The following CSMD1 variants were observed in gnomAD, a reference collection of about 807,000 sequenced individuals.
CSMD1 encodes CUB and Sushi multiple domains 1.
A neutral mutation model predicts 417.5 loss-of-function variants in CSMD1; 213 were observed. The observed-to-expected ratio is 0.51, with a 90% CI of 0.46 to 0.57. The LOEUF is 0.57. CSMD1 is among the 20% of genes least tolerant of loss of function. The probability of loss-of-function intolerance (pLI) is 0.00; values close to 1 mark genes in which losing one functional copy is unlikely to be tolerated. For synonymous variants in CSMD1, 2,862 were observed against 1,736.8 expected (o/e 1.65, Z -16.11); for missense variants, 6,923 against 4,529.7 (o/e 1.53, Z -15.17).
At chr8:3,605,685 A>C (rs921495141) in intron 8 of CSMD1, among the ~76,000 whole-genome samples, 19 of 152,238 alleles carry the variant, frequency 1.2e-4, no homozygotes, top group African/African-American at 4.6e-4. Flanking sequence ...CCTCGAGATA[A>C]AAATATGCTA....
intron 4 of CSMD1, among the ~76,000 whole-genome samples, chr8:4,008,784 G>T (rs1816331897): frequency 6.6e-6 from 1 of 151,408 alleles, no homozygotes; most frequent in South Asian, 2.1e-4. Context: ...CTAATTTTTT[G>T]TGTTTTTGGT....
Position 4,299,279 on chromosome 8 carries a change from A to C in CSMD1, c.415+120674T>G, listed in dbSNP as rs909946700. Among the ~76,000 whole-genome samples the C allele has an allele frequency of 3.9e-5, 6 of 152,320 alleles. No homozygotes were observed. In the East Asian group the frequency reaches 9.6e-4, roughly 24 times the overall value. Reference sequence around the variant, plus strand: ...AATTTAAAACCGTCGGATAAGATAAAGTTTTTCTTCACCCCCATCACCCCC... The same window carrying C: ...AATTTAAAACCGTCGGATAAGATAACGTTTTTCTTCACCCCCATCACCCCC... On this transcript the variant is annotated intron_variant, in intron 3 of 69. Coordinates refer to ENST00000635120, the MANE Select transcript of CSMD1 (RefSeq NM_033225.6).
intron 2 of CSMD1, among the ~76,000 whole-genome samples, chr8:4,570,422 T>G (rs933474810): frequency 1.3e-5 from 2 of 152,210 alleles, no homozygotes; most frequent in African/African-American, 4.8e-5. Context: ...GTTCTGTTTA[T>G]GTGATGGATT....
At chr8:4,387,181 T>C (rs1433910328) in intron 3 of CSMD1, among the ~76,000 whole-genome samples, 2 of 152,216 alleles carry the variant, frequency 1.3e-5, no homozygotes, top group African/African-American at 4.8e-5. Flanking sequence ...TGCCATCTTG[T>C]GGCTAGGAGG....
chr8:3,688,890 C>T (rs192771755), intron 7 of CSMD1, among the ~76,000 whole-genome samples: 2 of 152,062 alleles, frequency 1.3e-5, no homozygotes, highest in African/African-American at 2.4e-5. Context: ...TCACTTAGAT[C>T]TCAGACAAAG....
Position 3,054,453 on chromosome 8 carries a change from A to AT in CSMD1, c.7475-1807_7475-1806insA, listed in dbSNP as rs530047885. Among the ~76,000 whole-genome samples the AT allele has an allele frequency of 1.3e-4, 20 of 152,216 alleles. No homozygotes were observed. The South Asian group carries it at 4.1e-3, about 32-fold the overall frequency. ...GGCAACATGGTGAAACCCTGTCTCT[A>AT]CCAAAAATACAAAAATTAGGCAGAT... On this transcript the variant is annotated intron_variant, in intron 49 of 69. Transcript: ENST00000635120.
At chr8:4,944,561 C>A (rs528332763) in intron 1 of CSMD1, among the ~76,000 whole-genome samples, 38 of 152,248 alleles carry the variant, frequency 2.5e-4, no homozygotes. Context: ...TACAGTCCAC[C>A]TGAAGAGACA....
chr8:4,205,131 C>G (rs554706776), intron 3 of CSMD1, among the ~76,000 whole-genome samples: 69 of 152,270 alleles, frequency 4.5e-4, no homozygotes, highest in Non-Finnish European at 7.2e-4. Context: ...ACATTTATCT[C>G]AACTCTGTTG....
chr8:3,922,743 C>G (rs1024096933), intron 5 of CSMD1, among the ~76,000 whole-genome samples: 3 of 151,834 alleles, frequency 2.0e-5, no homozygotes, highest in East Asian at 3.9e-4. Flanking sequence ...ATTTATTAAC[C>G]AATTATTGTA....
At chr8:4,651,726 C>T (rs1041538590) in intron 1 of CSMD1, among the ~76,000 whole-genome samples, 4 of 152,112 alleles carry the variant, frequency 2.6e-5, no homozygotes, top group South Asian at 2.1e-4. Context: ...CTAATTCACA[C>T]GTCTTTAGAT....
chr8:4,210,229 C>T (rs1408552368), intron 3 of CSMD1, among the ~76,000 whole-genome samples: 1 of 152,206 alleles, frequency 6.6e-6, no homozygotes, highest in Non-Finnish European at 1.5e-5. Flanking sequence ...CTGGGCATGA[C>T]TTTCTCACAG....
At position 3,875,532 on chromosome 8, in the gene CSMD1, T is replaced by G. The variant is rs140278119; in HGVS notation, c.819-121490A>C. 4.3e-3 allele frequency among the ~76,000 whole-genome samples: 660 copies of G among 152,078 alleles called. 3 individuals are homozygous for G. Among genetic ancestry groups the G allele is most frequent in the African/African-American group, 0.012 (490 of 41,490 alleles). On this transcript the variant is annotated intron_variant, in intron 5 of 69. Transcript: ENST00000635120. ...AGAAAAGGGGAGGAAGCAGCCGGCA[T>G]GGAAGAAGGAAAGCAGGAGAGGCTC...
chr8:4,373,835 G>A (rs1196502261), intron 3 of CSMD1, among the ~76,000 whole-genome samples: 2 of 152,122 alleles, frequency 1.3e-5, no homozygotes, highest in Admixed American at 6.5e-5. Context: ...ACTAGCCAAA[G>A]GAGCTTTTCT....
chr8:4,371,838 T>C (rs1802415576), intron 3 of CSMD1, among the ~76,000 whole-genome samples: 1 of 152,204 alleles, frequency 6.6e-6, no homozygotes, highest in African/African-American at 2.4e-5. Flanking sequence ...CAGGGTCAAG[T>C]AAACTGAATT....
rs1563399727 is a variant in CSMD1, at chr8:3,448,320, G to GGAGC, written c.1561+20391_1561+20392insGCTC. Among the ~76,000 whole-genome samples, 15 of 57,898 alleles carry GGAGC rather than the reference G, an allele frequency of 2.6e-4. 1 individual carries two copies. The highest frequency in any genetic ancestry group is 8.2e-4 in the African/African-American group (12 of 14,712). 38.0% of individuals were successfully genotyped at this position (57,898 alleles called of 152,430 possible). ...AACTGGTGGGAAGGAAGGAAGGAAG[G>GGAGC]AAGGGAGCAAGGGAGGGAGGGAGGG... is the stretch of plus-strand genomic sequence containing the variant. On this transcript the variant is annotated intron_variant, in intron 12 of 69. Coordinates refer to ENST00000635120, the MANE Select transcript of CSMD1 (RefSeq NM_033225.6).
rs1291953230 is a variant in CSMD1, at chr8:3,412,037, C to CGT, written c.1562-2433_1562-2432insAC. On this transcript the variant is annotated intron_variant, in intron 12 of 69. Coordinates refer to ENST00000635120, the MANE Select transcript of CSMD1 (RefSeq NM_033225.6). ...ATACATATACACACGTATATATACA[C>CGT]ATATATACACGTATATATACACACG... is the stretch of plus-strand genomic sequence containing the variant. Among the ~76,000 whole-genome samples the CGT allele has an allele frequency of 6.3e-4, 25 of 39,554 alleles. 4 individuals carry two copies. The highest frequency in any genetic ancestry group is 7.4e-4 in the Non-Finnish European group (15 of 20,254). The allele number at this position is 39,554 out of a possible 152,430, so 25.9% of individuals were successfully genotyped here. A position where few individuals can be genotyped will look rare whatever the true frequency, so the allele number is the denominator to read the frequency against.
intron 1 of CSMD1, among the ~76,000 whole-genome samples, chr8:4,732,208 A>T (rs2116961666): frequency 6.6e-6 from 1 of 152,296 alleles, no homozygotes; most frequent in Admixed American, 6.5e-5. Context: ...ACTCAGATGT[A>T]TCAGACCCCA....
At chr8:4,063,659 G>C (rs1052935530) in intron 3 of CSMD1, among the ~76,000 whole-genome samples, 1 of 152,182 alleles carries the variant, frequency 6.6e-6, no homozygotes, top group African/African-American at 2.4e-5. Flanking sequence ...GCCTCCCTGA[G>C]GGGCATTCTA....
intron 7 of CSMD1, among the ~76,000 whole-genome samples, chr8:3,685,282 G>A (rs1031672533): frequency 1.3e-5 from 2 of 152,118 alleles, no homozygotes; most frequent in African/African-American, 2.4e-5. Flanking sequence ...CCATTACGTT[G>A]AGTTTAATGA....
Sources: allele counts gnomAD v4.1 joint callset (sites outside exome capture counted in the v4.1 genomes callset), GRCh38; gene constraint gnomAD v4.1.1; transcripts MANE v1.5; gene names NCBI Gene and HGNC (gene_info 2026-07-23, HGNC 2026-07-21).